GOLM1: variants seen among roughly 807,000 people sequenced by gnomAD.
GOLM1 encodes the protein golgi membrane protein 1, also known as epididymis luminal protein 46.
In GOLM1, 31 loss-of-function variants were observed where a neutral mutation model predicts 50.5. That is an observed-to-expected ratio of 0.61 (90% CI 0.46 to 0.83). GOLM1 has a LOEUF of 0.83. GOLM1 is among the 40% of genes least tolerant of loss of function. The pLI is 0.00. For missense variants in GOLM1, 491 were observed against 501.3 expected (o/e 0.98, Z 0.20); for synonymous variants, 178 against 192.8 (o/e 0.92, Z 0.64).
chr9:86,028,479 A>C (rs1832857237), intron 9 of GOLM1, among the ~76,000 whole-genome samples: 1 of 152,192 alleles, frequency 6.6e-6, no homozygotes, highest in South Asian at 2.1e-4. Flanking sequence ...GCTGAGAGCT[A>C]CTTCCACCAC....
intron 5 of GOLM1, among the ~76,000 whole-genome samples, chr9:86,042,454 A>C (rs904763836): frequency 6.6e-6 from 1 of 152,132 alleles, no homozygotes; most frequent in African/African-American, 2.4e-5. Flanking sequence ...CTCTTGGAAT[A>C]TACCCTTGAG....
chr9:86,028,324 C>T (rs769314124), intron 9 of GOLM1, among the ~76,000 whole-genome samples: 11 of 152,320 alleles, frequency 7.2e-5, no homozygotes, highest in Non-Finnish European at 1.3e-4. Context: ...CATCGAAAGA[C>T]GCTGGCAGGC....
intron 5 of GOLM1, among the ~76,000 whole-genome samples, chr9:86,045,336 G>A (rs1420661269): frequency 1.3e-5 from 2 of 151,836 alleles, no homozygotes; most frequent in Non-Finnish European, 2.9e-5. Context: ...GGGTGACAGA[G>A]CAAGACTCTG....
chr9:86,057,791 C>T (rs1044407847), intron 3 of GOLM1, among the ~76,000 whole-genome samples: 4 of 152,244 alleles, frequency 2.6e-5, no homozygotes, highest in African/African-American at 7.2e-5. Context: ...CTGAGAAACA[C>T]TGGAGACTGG....
At chr9:86,028,935 A>G (rs1587689618) in intron 9 of GOLM1, among the ~76,000 whole-genome samples, 1 of 131,418 alleles carries the variant, frequency 7.6e-6, no homozygotes, top group South Asian at 2.3e-4. Context: ...TGCAAGCTCC[A>G]CCTCCGGGGT....
intron 3 of GOLM1, among the ~76,000 whole-genome samples, chr9:86,053,458 AT>A (rs1385953899): frequency 6.2e-5 from 8 of 129,968 alleles, no homozygotes; most frequent in African/African-American, 8.6e-5. Flanking sequence ...ACCAAACCAC[AT>A]CACACCACAC....
intron 3 of GOLM1, among the ~76,000 whole-genome samples, chr9:86,055,043 G>A (rs975669728): frequency 1.5e-4 from 23 of 152,274 alleles, no homozygotes; most frequent in Non-Finnish European, 1.3e-4. Context: ...CAACCATCCT[G>A]TTTTCTCAGG....
At chr9:86,047,636 T>C (rs993482591) in intron 4 of GOLM1, among the ~76,000 whole-genome samples, 1 of 152,120 alleles carries the variant, frequency 6.6e-6, no homozygotes, top group African/African-American at 2.4e-5. Context: ...TCAGGACTTA[T>C]CCAACTGTAC....
intron 3 of GOLM1, among the ~76,000 whole-genome samples, chr9:86,057,136 C>T (rs1055071086): frequency 6.6e-6 from 1 of 152,188 alleles, no homozygotes; most frequent in Non-Finnish European, 1.5e-5. Context: ...CAGAAATTAA[C>T]TGGAAACTAA....
intron 9 of GOLM1, among the ~76,000 whole-genome samples, chr9:86,032,303 G>T (rs1833011339): frequency 6.6e-6 from 1 of 152,064 alleles, no homozygotes; most frequent in African/African-American, 2.4e-5. Context: ...GAGTAGCTGG[G>T]ACTACAGGCG....
At chr9:86,064,076 T>A (rs1234783135) in intron 3 of GOLM1, among the ~76,000 whole-genome samples, 1 of 152,172 alleles carries the variant, frequency 6.6e-6, no homozygotes, top group Non-Finnish European at 1.5e-5. Context: ...GGCCCCTCCC[T>A]GGAGGTGGGA....
chr9:86,028,524 T>C (rs957859262), intron 9 of GOLM1, among the ~76,000 whole-genome samples: 1 of 152,194 alleles, frequency 6.6e-6, no homozygotes, highest in African/African-American at 2.4e-5. Context: ...CAAGCCCACA[T>C]GATCTGATTT....
Position 86,085,948 on chromosome 9 carries a change from T to C in GOLM1, c.-21-6607A>G, listed in dbSNP as rs565940501. On this transcript the variant is annotated intron_variant, in intron 1 of 9. Transcript: ENST00000388712. Reference sequence around the variant, plus strand: ...GCCGCAATAAACATACGTGTGCATGTGTCTTTATAGAATGATTTATAATCC... The same window carrying C: ...GCCGCAATAAACATACGTGTGCATGCGTCTTTATAGAATGATTTATAATCC... Among the ~76,000 whole-genome samples, 16 of 152,358 alleles carry C rather than the reference T, an allele frequency of 1.1e-4. No individual in the cohort carries two copies. The South Asian group carries it at 3.3e-3, about 32-fold the overall frequency.
chr9:86,068,976 G>GTTT (rs34980216), intron 3 of GOLM1, among the ~76,000 whole-genome samples: 2 of 148,662 alleles, frequency 1.3e-5, no homozygotes, highest in African/African-American at 4.9e-5. Context: ...CAATGTCTGG[G>GTTT]TTTTTTTTTT....
At chr9:86,071,382 A>G (rs773675399) in intron 3 of GOLM1, among the ~76,000 whole-genome samples, 6 of 152,064 alleles carry the variant, frequency 3.9e-5, no homozygotes, top group Non-Finnish European at 7.4e-5. Context: ...TTTTAATATA[A>G]AATGCAACAA....
chr9:86,049,575 G>A (rs1423730240), intron 4 of GOLM1, among the ~76,000 whole-genome samples: 6 of 152,196 alleles, frequency 3.9e-5, no homozygotes, highest in African/African-American at 1.4e-4. Flanking sequence ...TCTCCTTGAA[G>A]AGGTCCTTCA....
intron 1 of GOLM1, among the ~76,000 whole-genome samples, chr9:86,080,622 T>C (rs1834754430): frequency 1.3e-5 from 2 of 152,106 alleles, no homozygotes; most frequent in Admixed American, 1.3e-4. Flanking sequence ...AAAGGCTTCT[T>C]TTTTCTTAAC....
In GOLM1 at chr9:86,073,586, C is replaced by T. The variant is rs531507862; in HGVS notation, c.309+3826G>A. On this transcript the variant is annotated intron_variant, in intron 3 of 9. Coordinates refer to ENST00000388712, the MANE Select transcript of GOLM1 (RefSeq NM_016548.4). ...TTTCATCTTCCATTGCCCAATTGCC[C>T]ACACTGCTCCCGAACCTTACAGAGA... 5.9e-5 allele frequency among the ~76,000 whole-genome samples: 9 copies of T among 152,206 alleles called. 1 individual carries two copies. The highest frequency in any genetic ancestry group is 4.8e-5 in the African/African-American group (2 of 41,526).
intron 1 of GOLM1, among the ~76,000 whole-genome samples, chr9:86,089,891 A>C (rs1353543105): frequency 6.6e-6 from 1 of 152,070 alleles, no homozygotes; most frequent in African/African-American, 2.4e-5. Flanking sequence ...ATCTTTGTGG[A>C]TGTATCTACC....
Sources: allele counts gnomAD v4.1 joint callset (sites outside exome capture counted in the v4.1 genomes callset), GRCh38; gene constraint gnomAD v4.1.1; transcripts MANE v1.5; gene names NCBI Gene and HGNC (gene_info 2026-07-23, HGNC 2026-07-21).